PCDHGA1: variants seen among roughly 807,000 people sequenced by gnomAD.
PCDHGA1 encodes protocadherin gamma subfamily A, 1.
A neutral mutation model predicts 58.0 loss-of-function variants in PCDHGA1; 32 were observed. That is an observed-to-expected ratio of 0.55 (90% CI 0.42 to 0.74). The LOEUF (loss-of-function observed/expected upper bound fraction) is 0.74, where lower values mean the gene tolerates loss of function less well. PCDHGA1 is among the 30% of genes least tolerant of loss of function. The pLI is 0.00. For missense variants in PCDHGA1, 1,205 were observed against 1,182.3 expected (o/e 1.02, Z -0.28); for synonymous variants, 498 against 501.1 (o/e 0.99, Z 0.08).
intron 1 of PCDHGA1, chr5:141,430,741 A>T (rs370226249): frequency 6.7e-6 from 10 of 1,498,900 alleles, no homozygotes; most frequent in Non-Finnish European, 8.9e-6. Flanking sequence ...ATTGAAAATA[A>T]TTCTGGAGGA....
In PCDHGA1 at chr5:141,350,215, T is replaced by A. The variant is rs760087055; in HGVS notation, c.2421+17110T>A. 8.7e-6 allele frequency: 13 copies of A among 1,489,630 alleles called. No individual in the cohort carries two copies. In the South Asian group the frequency reaches 1.6e-4, roughly 18 times the overall value. The allele number at this position is 1,489,630 out of a possible 1,614,324, so 92.3% of individuals were successfully genotyped here. On this transcript the variant is annotated intron_variant, in intron 1 of 3. Coordinates refer to ENST00000517417, the MANE Select transcript of PCDHGA1 (RefSeq NM_018912.3). ...AAGTCCAGGGTGCTGCCATTTCTTT[T>A]TGAAAAACATCCCAGAGGAAAGAAG...
At chr5:141,379,301 T>C (rs1454001720) in intron 1 of PCDHGA1, 1 of 152,244 alleles carries the variant, frequency 6.6e-6, no homozygotes, top group East Asian at 1.9e-4. Context: ...CAAAGGTATA[T>C]ACCTAAACAA....
At chr5:141,346,827 A>AAACCTGTTTGTATACCTGTTTGT (rs1172569704) in intron 1 of PCDHGA1, among the ~76,000 whole-genome samples, 1 of 152,206 alleles carries the variant, frequency 6.6e-6, no homozygotes, top group African/African-American at 2.4e-5. Context: ...ACCTGTGATA[A>AAACCTGTTTGTATACCTGTTTGT]ATAGGCCTTT....
At chr5:141,504,842 A>G (rs944461166) in intron 2 of PCDHGA1, among the ~76,000 whole-genome samples, 7 of 151,968 alleles carry the variant, frequency 4.6e-5, no homozygotes, top group African/African-American at 1.7e-4. Context: ...CTAGCTCTGG[A>G]ACATTCTCTT....
At chr5:141,509,720 A>G (rs916316577) in intron 3 of PCDHGA1, among the ~76,000 whole-genome samples, 6 of 151,974 alleles carry the variant, frequency 3.9e-5, no homozygotes, top group Admixed American at 3.3e-4. Context: ...GTCTGATGTC[A>G]CCTAGCTGTG....
intron 1 of PCDHGA1, among the ~76,000 whole-genome samples, chr5:141,467,211 C>G (rs1288732759): frequency 6.6e-6 from 1 of 152,068 alleles, no homozygotes; most frequent in Non-Finnish European, 1.5e-5. Context: ...TGCCACCATG[C>G]CTGGCTAATT....
At position 141,503,509 on chromosome 5, in the gene PCDHGA1, G is replaced by A. The variant is rs373282648; in HGVS notation, c.2481-1884G>A. ...AGCTGCTCAAGAGGCTGAGGCAGGA[G>A]AATCACTTGAACCTGGGAGGCAGAG... On this transcript the variant is annotated intron_variant, in intron 2 of 3. Transcript: ENST00000517417. Among the ~76,000 whole-genome samples the A allele has an allele frequency of 9.4e-5, 14 of 149,410 alleles. No individual in the cohort carries two copies. The South Asian group carries it at 1.5e-3, about 16-fold the overall frequency.
chr5:141,431,376 CT>C lies in PCDHGA1; in HGVS notation c.2422-63430del. The C allele has an allele frequency of 1.2e-6, 2 of 1,613,436 alleles. No individual in the cohort carries two copies. The highest frequency in any genetic ancestry group is 1.7e-6 in the Non-Finnish European group (2 of 1,179,562). On this transcript the variant is annotated intron_variant, in intron 1 of 3. Transcript: ENST00000517417. This position sits in a 1 kb window ranked among gnomAD's most constrained non-coding sequence, Gnocchi z 4.8. ...CGCGCCCTGGACCGCGAAGAAAAGG[CT>C]GCTCACCACCTGGTCCTTACGGCCT...
chr5:141,439,065 C>T (rs571768018), intron 1 of PCDHGA1, among the ~76,000 whole-genome samples: 13 of 151,628 alleles, frequency 8.6e-5, no homozygotes, highest in East Asian at 7.9e-4. Flanking sequence ...GTGTGGCAGG[C>T]GCCTGTAATC....
chr5:141,399,631 T>A lies in PCDHGA1; in HGVS notation c.2421+66526T>A, dbSNP rs1251761184. On this transcript the variant is annotated intron_variant, in intron 1 of 3. Transcript: ENST00000517417. ...GCCTCTGGCACTGGCCTCTTACGTGTCCATGAGCGCGCAAAGTGGGGTGGT... is the reference window on the plus strand; with the variant it reads ...GCCTCTGGCACTGGCCTCTTACGTGACCATGAGCGCGCAAAGTGGGGTGGT... 31 of 1,613,746 alleles carry A rather than the reference T, an allele frequency of 1.9e-5. No homozygotes were observed. The highest frequency in any genetic ancestry group is 2.4e-5 in the Non-Finnish European group (28 of 1,179,892).
intron 1 of PCDHGA1, chr5:141,379,581 T>A (rs1300858565): frequency 6.6e-6 from 1 of 152,240 alleles, no homozygotes; most frequent in Non-Finnish European, 1.5e-5. Context: ...TGGTTTATTT[T>A]ATTCTCTTAT....
chr5:141,507,397 AC>A (rs1163501030), intron 3 of PCDHGA1: 1 of 152,144 alleles, frequency 6.6e-6, no homozygotes. Flanking sequence ...TGGCAACTCT[AC>A]CCCAGATGTC....
chr5:141,432,873 T>G lies in PCDHGA1; in HGVS notation c.2422-61934T>G, dbSNP rs753576338. The stretch of plus-strand genomic sequence containing the variant: ...GTGGCCGCGGTCTCCTGCGTCTTCC[T>G]GGCCTTCGTCATCTTGCTGCTGGCG... On this transcript the variant is annotated intron_variant, in intron 1 of 3. Transcript: ENST00000517417. This position sits in a 1 kb window ranked among gnomAD's most constrained non-coding sequence, Gnocchi z 6.0. 4 of 1,614,204 alleles carry G rather than the reference T, an allele frequency of 2.5e-6. No homozygotes were observed. The highest frequency in any genetic ancestry group is 3.4e-6 in the Non-Finnish European group (4 of 1,180,014).
chr5:141,351,740 C>G, intron 1 of PCDHGA1: 1 of 1,613,690 alleles, frequency 6.2e-7, no homozygotes, highest in Non-Finnish European at 8.5e-7. Context: ...TGACCTGGAG[C>G]CGCGGGAGCT....
intron 2 of PCDHGA1, among the ~76,000 whole-genome samples, chr5:141,497,016 C>G (rs1384415729): frequency 6.6e-6 from 1 of 152,056 alleles, no homozygotes; most frequent in East Asian, 1.9e-4. Context: ...TGGTGAAACC[C>G]CATCTCGATT....
At chr5:141,459,723 T>G (rs1024452676) in intron 1 of PCDHGA1, among the ~76,000 whole-genome samples, 3 of 152,254 alleles carry the variant, frequency 2.0e-5, no homozygotes, top group African/African-American at 7.2e-5. Context: ...ATGCTTCCTA[T>G]TGTCAATTTT....
Position 141,476,292 on chromosome 5 carries a change from G to A in PCDHGA1, c.2422-18515G>A. The A allele has an allele frequency of 1.9e-6, 3 of 1,614,144 alleles. No homozygotes were observed. The highest frequency in any genetic ancestry group is 2.5e-6 in the Non-Finnish European group (3 of 1,180,016). On this transcript the variant is annotated intron_variant, in intron 1 of 3. Transcript: ENST00000517417. This position sits in a 1 kb window ranked among gnomAD's most constrained non-coding sequence, Gnocchi z 7.6. ...GTCGCGAACCTTGGTTTGGATCTCGGTAGCCTCTCAGCCCGCAGGTTCCGG... is the reference window on the plus strand; with the variant it reads ...GTCGCGAACCTTGGTTTGGATCTCGATAGCCTCTCAGCCCGCAGGTTCCGG...
intron 2 of PCDHGA1, among the ~76,000 whole-genome samples, chr5:141,504,268 T>A (rs539485141): frequency 2.2e-4 from 34 of 152,348 alleles, no homozygotes; most frequent in Admixed American, 1.3e-3. Context: ...AGTATTTTTT[T>A]AAATTATGAA....
chr5:141,431,016 C>A lies in PCDHGA1; in HGVS notation c.2422-63791C>A, dbSNP rs755015257. 4 of 1,613,456 alleles carry A rather than the reference C, an allele frequency of 2.5e-6. No individual in the cohort carries two copies. Among genetic ancestry groups the A allele is most frequent in the East Asian group, 2.2e-5 (1 of 44,860 alleles). ...AATCCGCGCAGCGGCAGCTTGGTCA[C>A]GGCGGGCAGGATAGACCGGGAGGAG... is the stretch of plus-strand genomic sequence containing the variant. On this transcript the variant is annotated intron_variant, in intron 1 of 3. Coordinates refer to ENST00000517417, the MANE Select transcript of PCDHGA1 (RefSeq NM_018912.3). The surrounding 1 kb of genome is among the most constrained non-coding windows in gnomAD (Gnocchi z 4.8).
Sources: gnomAD v4.1 joint callset for allele counts (sites outside exome capture counted in the v4.1 genomes callset) on GRCh38, gnomAD v4.1.1 for gene constraint, Gnocchi (gnomAD v3.1) non-coding constraint, MANE v1.5 for transcripts, NCBI Gene and HGNC (gene_info 2026-07-23, HGNC 2026-07-21) for gene names.